FAM193A: variants seen among roughly 807,000 people sequenced by gnomAD.
FAM193A encodes family with sequence similarity 193 member A, also known as protein FAM193A.
FAM193A carries 22 observed loss-of-function variants against 126.5 expected under a neutral mutation model. That is an observed-to-expected ratio of 0.17 (90% CI 0.12 to 0.25). The LOEUF (loss-of-function observed/expected upper bound fraction) is 0.25. FAM193A is among the 10% of genes least tolerant of loss of function. FAM193A has a pLI of 1.00. For synonymous variants in FAM193A, 761 were observed against 646.8 expected (o/e 1.18, Z -2.68); for missense variants, 1,675 against 1,672.8 (o/e 1.00, Z -0.02).
At chr4:2,704,394 G>C (rs145883405) in intron 19 of FAM193A, among the ~76,000 whole-genome samples, 1 of 151,944 alleles carries the variant, frequency 6.6e-6, no homozygotes, top group East Asian at 1.9e-4. Context: ...GTGGAACCCT[G>C]TCTCTACTAA....
At chr4:2,692,471 G>T (rs964367448) in intron 15 of FAM193A, among the ~76,000 whole-genome samples, 1 of 152,164 alleles carries the variant, frequency 6.6e-6, no homozygotes, top group African/African-American at 2.4e-5. Flanking sequence ...ACAAAGGAAT[G>T]GTGGGTGCCA....
chr4:2,638,579 C>A (rs1158782442), intron 5 of FAM193A, among the ~76,000 whole-genome samples: 1 of 152,188 alleles, frequency 6.6e-6, no homozygotes, highest in Non-Finnish European at 1.5e-5. Flanking sequence ...CTGCAGATGG[C>A]ATAGATTCAT....
At chr4:2,695,159 G>A in intron 17 of FAM193A, 30 bp downstream of exon 17, 2 of 1,533,510 alleles carry the variant, frequency 1.3e-6, no homozygotes, top group South Asian at 1.3e-5. Context: ...GCATCATGAT[G>A]TGGGAAGTGT....
At chr4:2,712,546 C>T (rs1225411917) in intron 19 of FAM193A, among the ~76,000 whole-genome samples, 1 of 152,156 alleles carries the variant, frequency 6.6e-6, no homozygotes, top group East Asian at 1.9e-4. Context: ...ACAGCCTTGT[C>T]CTTGGCCCTT....
chr4:2,714,340 G>T (rs1719314960), intron 19 of FAM193A, among the ~76,000 whole-genome samples: 1 of 152,108 alleles, frequency 6.6e-6, no homozygotes, highest in South Asian at 2.1e-4. Flanking sequence ...GCCTGCTGTG[G>T]CTGGGGGCTG....
At chr4:2,568,303 T>G (rs944182150) in intron 1 of FAM193A, among the ~76,000 whole-genome samples, 5 of 152,222 alleles carry the variant, frequency 3.3e-5, no homozygotes, top group Non-Finnish European at 5.9e-5. Context: ...CAGTAAGTGT[T>G]TCTTGACTGA....
chr4:2,582,684 T>C (rs930270473), intron 1 of FAM193A, among the ~76,000 whole-genome samples: 2 of 152,164 alleles, frequency 1.3e-5, no homozygotes, highest in African/African-American at 4.8e-5. Flanking sequence ...TTATTTCTTC[T>C]GCTGTTTAGA....
At chr4:2,546,593 T>C (rs1354796824) in intron 1 of FAM193A, among the ~76,000 whole-genome samples, 1 of 152,226 alleles carries the variant, frequency 6.6e-6, no homozygotes, top group Non-Finnish European at 1.5e-5. Context: ...AGTTGTTGCA[T>C]GTATCAGTAG....
At chr4:2,542,668 A>G (rs749887912) in intron 1 of FAM193A, among the ~76,000 whole-genome samples, 10 of 152,182 alleles carry the variant, frequency 6.6e-5, no homozygotes, top group South Asian at 2.1e-4. Context: ...AACAGTATCA[A>G]CCAGAAACAG....
chr4:2,673,548 G>T (rs143529712), intron 13 of FAM193A, among the ~76,000 whole-genome samples: 17 of 152,298 alleles, frequency 1.1e-4, no homozygotes, highest in African/African-American at 4.1e-4. Flanking sequence ...ATATTGCTCA[G>T]TTTGAACTTT....
intron 8 of FAM193A, 137 bp downstream of exon 8, chr4:2,658,017 C>G: frequency 1.5e-6 from 1 of 671,254 alleles, no homozygotes; most frequent in Non-Finnish European, 2.6e-6. Context: ...GCGTTAAAAA[C>G]TGTTCAAGAT....
chr4:2,695,568 G>A (rs1002794117), intron 17 of FAM193A, among the ~76,000 whole-genome samples: 2 of 152,194 alleles, frequency 1.3e-5, no homozygotes, highest in African/African-American at 4.8e-5. Flanking sequence ...TAAGAGGGAT[G>A]GGTGACAGGA....
chr4:2,647,978 C>G (rs1745315638), intron 7 of FAM193A, among the ~76,000 whole-genome samples: 1 of 151,854 alleles, frequency 6.6e-6, no homozygotes, highest in Non-Finnish European at 1.5e-5. Context: ...AAGGAAGGGA[C>G]TAGCATGTGC....
intron 7 of FAM193A, among the ~76,000 whole-genome samples, chr4:2,655,546 T>A (rs897572435): frequency 1.3e-5 from 2 of 151,978 alleles, no homozygotes; most frequent in African/African-American, 2.4e-5. Context: ...GACAAGATAT[T>A]AGTTCTCTGC....
chr4:2,636,298 C>T (rs952466633), intron 5 of FAM193A, among the ~76,000 whole-genome samples: 2 of 152,108 alleles, frequency 1.3e-5, no homozygotes, highest in African/African-American at 4.8e-5. Flanking sequence ...CTCCTGACCT[C>T]GTGATTCGCC....
At chr4:2,599,234 C>T (rs1741051141) in intron 2 of FAM193A, among the ~76,000 whole-genome samples, 1 of 151,594 alleles carries the variant, frequency 6.6e-6, no homozygotes. Context: ...TTTTTCTAAC[C>T]ACTTTTATGG....
intron 19 of FAM193A, among the ~76,000 whole-genome samples, chr4:2,706,996 C>T (rs948387987): frequency 1.1e-4 from 16 of 151,932 alleles, no homozygotes; most frequent in South Asian, 4.1e-4. Context: ...GTGGCGAGCG[C>T]CTGTGGTCCC....
intron 2 of FAM193A, among the ~76,000 whole-genome samples, chr4:2,617,258 ATATATTTTT>A (rs1466766359): frequency 5.4e-5 from 2 of 37,284 alleles, no homozygotes; most frequent in African/African-American, 5.6e-4. Flanking sequence ...ATATATATAT[ATATATTTTT>A]TTTTTTTTTT....
At chr4:2,657,501 C>CA (rs1711854286) in intron 7 of FAM193A, among the ~76,000 whole-genome samples, 1 of 152,184 alleles carries the variant, frequency 6.6e-6, no homozygotes, top group Non-Finnish European at 1.5e-5. Flanking sequence ...ACATAATGGG[C>CA]ATTCAGTAAA....
Sources: gnomAD v4.1 joint callset for allele counts (sites outside exome capture counted in the v4.1 genomes callset) on GRCh38, gnomAD v4.1.1 for gene constraint, MANE v1.5 for transcripts, NCBI Gene and HGNC (gene_info 2026-07-23, HGNC 2026-07-21) for gene names.